Variants in TSG101 observed in about 807,000 individuals in gnomAD.
TSG101 encodes the protein tumor susceptibility gene 101 protein.
Under a neutral mutation model 48.5 loss-of-function variants are expected in TSG101, and 19 were observed. That is an observed-to-expected ratio of 0.39 (90% confidence interval 0.27 to 0.58). TSG101 has a LOEUF of 0.58. Among genes scored for constraint, TSG101 ranks in the 20% least tolerant of loss-of-function variants. The pLI, the probability that TSG101 is intolerant of heterozygous loss-of-function variation, is 0.55. For missense variants in TSG101, 365 were observed against 484.4 expected (o/e 0.75, Z 2.31); for synonymous variants, 174 against 169.4 (o/e 1.03, Z -0.21).
At chr11:18,507,564 A>G (rs1474353157) in intron 5 of TSG101, 1 of 152,232 alleles carries the variant, frequency 6.6e-6, no homozygotes, top group Non-Finnish European at 1.5e-5. Flanking sequence ...AGAGAACGTG[A>G]ATGCCAAAGA....
intron 1 of TSG101, among the ~76,000 whole-genome samples, chr11:18,523,501 T>G (rs1850314482): frequency 6.6e-6 from 1 of 152,102 alleles, no homozygotes; most frequent in Non-Finnish European, 1.5e-5. Flanking sequence ...TTTATTATTT[T>G]TATTTATTTA....
intron 7 of TSG101, among the ~76,000 whole-genome samples, chr11:18,496,364 C>T (rs1349423617): frequency 1.3e-5 from 2 of 151,494 alleles, no homozygotes; most frequent in Non-Finnish European, 2.9e-5. Flanking sequence ...ATCACTTGAA[C>T]CCAGGAGGCA....
At chr11:18,504,915 TTA>T (rs1265693861) in intron 6 of TSG101, among the ~76,000 whole-genome samples, 1 of 152,206 alleles carries the variant, frequency 6.6e-6, no homozygotes, top group Non-Finnish European at 1.5e-5. Context: ...AATAACCTGC[TTA>T]TATATTACTA....
At position 18,487,633 on chromosome 11, in the gene TSG101, T is replaced by TG. The variant is rs199827125; in HGVS notation, c.641-3562dup. Among the ~76,000 whole-genome samples, 87 of 152,334 alleles carry TG rather than the reference T, an allele frequency of 5.7e-4. No individual in the cohort carries two copies. In the East Asian group the frequency reaches 0.012, roughly 21 times the overall value. On this transcript the variant is annotated intron_variant, in intron 7 of 9. Transcript: ENST00000251968. ...CTCCTTCCTCAGCCTCCTGGAGTGC[T>TG]GGGATTACAGGCATGAGCCACTGTG... is the stretch of plus-strand genomic sequence containing the variant.
In TSG101 at chr11:18,484,069, G is replaced by C. The variant is rs1849585240; in HGVS notation, c.644C>G (p.Pro215Arg). The C allele has an allele frequency of 6.2e-6, 10 of 1,613,896 alleles. No homozygotes were observed. Among genetic ancestry groups the C allele is most frequent in the Non-Finnish European group, 8.5e-6 (10 of 1,179,866 alleles). ...CTCGCTGATTGTGCCATCCCTACTGGGACCTGCAGGAAACAGAGGCAAAAA... is the reference window on the plus strand; with the variant it reads ...CTCGCTGATTGTGCCATCCCTACTGCGACCTGCAGGAAACAGAGGCAAAAA... ...PSQPPVTTVG[P>R]SRDGTISEDT... The change falls in exon 8 of 10, where the codon CCC becomes CGC. Residue 215 changes from proline (P) to arginine (R), a missense_variant. Coordinates refer to ENST00000251968, the MANE Select transcript of TSG101 (RefSeq NM_006292.4).
At chr11:18,519,481 A>C in intron 2 of TSG101, 38 bp downstream of exon 2, 1 of 1,477,502 alleles carries the variant, frequency 6.8e-7, no homozygotes, top group Non-Finnish European at 9.4e-7. Flanking sequence ...GAGTAAACTC[A>C]AAGTATAGAA....
chr11:18,488,240 T>TG (rs950519404), intron 7 of TSG101, among the ~76,000 whole-genome samples: 5 of 152,234 alleles, frequency 3.3e-5, no homozygotes, highest in African/African-American at 1.2e-4. Flanking sequence ...GAGGGATTTT[T>TG]GTTTTTTTTC....
chr11:18,482,688 T>C (rs1326728549), intron 8 of TSG101, among the ~76,000 whole-genome samples: 2 of 152,238 alleles, frequency 1.3e-5, no homozygotes, highest in African/African-American at 4.8e-5. Flanking sequence ...TTGCATATGC[T>C]ATGTTTATAT....
intron 6 of TSG101, among the ~76,000 whole-genome samples, chr11:18,504,230 A>AGGACACT (rs1261397303): frequency 6.6e-6 from 1 of 150,408 alleles, no homozygotes; most frequent in Non-Finnish European, 1.5e-5. Context: ...AAGCTAGCCT[A>AGGACACT]GGACACTGGA....
Position 18,480,318 on chromosome 11 carries a change from A to G in TSG101, c.*228T>C. 3 of 349,698 alleles carry G rather than the reference A, an allele frequency of 8.6e-6. No individual in the cohort carries two copies. Among genetic ancestry groups the G allele is most frequent in the African/African-American group, 2.1e-5 (1 of 47,604 alleles). 21.7% of individuals were successfully genotyped at this position (349,698 alleles called of 1,614,324 possible). A position where few individuals can be genotyped will look rare whatever the true frequency, so the allele number is the denominator to read the frequency against. On this transcript the variant is annotated 3_prime_UTR_variant, in exon 10 of 10. Coordinates refer to ENST00000251968, the MANE Select transcript of TSG101 (RefSeq NM_006292.4). ...CAATAAAGGAGAGAAAAATTATGCA[A>G]CAAATTTTATTTAGCAGTCCCAACA...
chr11:18,510,769 A>G (rs1476375967), intron 4 of TSG101, among the ~76,000 whole-genome samples: 1 of 152,048 alleles, frequency 6.6e-6, no homozygotes, highest in East Asian at 1.9e-4. Context: ...TCTCTACAAA[A>G]AAATTAACTG....
chr11:18,525,038 G>C (rs996052841), intron 1 of TSG101, among the ~76,000 whole-genome samples: 1 of 151,306 alleles, frequency 6.6e-6, no homozygotes, highest in African/African-American at 2.4e-5. Flanking sequence ...AGCCTCCCGA[G>C]TAGGCTGGGA....
chr11:18,514,596 C>T (rs1850138936), intron 4 of TSG101, 82 bp downstream of exon 4: 4 of 1,212,428 alleles, frequency 3.3e-6, no homozygotes, highest in Non-Finnish European at 3.3e-6. Context: ...CTCGAATCCT[C>T]CTTGAGTGCT....
chr11:18,499,214 A>ATATATATTTATATATGATATATAAT (rs1436618132), intron 7 of TSG101, among the ~76,000 whole-genome samples: 5,698 of 132,766 alleles, frequency 0.043, 232 homozygotes, highest in Non-Finnish European at 0.062. Flanking sequence ...TATATAAAAT[A>ATATATATTTATATATGATATATAAT]TATATATTTA....
At chr11:18,512,990 A>G (rs1850114695) in intron 4 of TSG101, among the ~76,000 whole-genome samples, 1 of 151,968 alleles carries the variant, frequency 6.6e-6, no homozygotes, top group Admixed American at 6.5e-5. Flanking sequence ...AGCCTCCCAA[A>G]GTGCTGAGAC....
intron 7 of TSG101, among the ~76,000 whole-genome samples, chr11:18,495,689 A>G: frequency 6.8e-6 from 1 of 146,752 alleles, no homozygotes; most frequent in Admixed American, 6.8e-5. Flanking sequence ...TTTTTGCTAC[A>G]TGAATTGGTT....
intron 4 of TSG101, among the ~76,000 whole-genome samples, chr11:18,511,756 C>T (rs113003134): frequency 1.2e-3 from 176 of 152,218 alleles, no homozygotes; most frequent in African/African-American, 3.8e-3. Context: ...TTTCATCATC[C>T]GAAAAAGAAA....
At chr11:18,521,825 C>T (rs1383076808) in intron 1 of TSG101, among the ~76,000 whole-genome samples, 2 of 151,698 alleles carry the variant, frequency 1.3e-5, no homozygotes, top group African/African-American at 2.4e-5. Flanking sequence ...TACAGGTATG[C>T]GCCACAGTGT....
At chr11:18,520,040 G>T (rs1422574218) in intron 1 of TSG101, among the ~76,000 whole-genome samples, 1 of 152,064 alleles carries the variant, frequency 6.6e-6, no homozygotes, top group Non-Finnish European at 1.5e-5. Context: ...TCCCTAAAAA[G>T]AAATCCATAC....
Sources: gnomAD v4.1 joint callset for allele counts (sites outside exome capture counted in the v4.1 genomes callset) on GRCh38, gnomAD v4.1.1 for gene constraint, MANE v1.5 for transcripts, NCBI Gene and HGNC (gene_info 2026-07-23, HGNC 2026-07-21) for gene names.